The following DENND6A variants were observed in gnomAD, a reference collection of about 807,000 sequenced individuals.
The protein encoded by DENND6A is protein DENND6A.
In DENND6A, 43 loss-of-function variants were observed where a neutral mutation model predicts 95.5. That is an observed-to-expected ratio of 0.45 (90% CI 0.35 to 0.58). DENND6A has a LOEUF of 0.58. DENND6A is among the 20% of genes least tolerant of loss of function. DENND6A has a pLI of 0.00. For synonymous variants in DENND6A, 257 were observed against 260.4 expected (o/e 0.99, Z 0.13); for missense variants, 574 against 736.0 (o/e 0.78, Z 2.55).
chr3:57,669,729 GA>G lies in DENND6A; in HGVS notation c.319+2526del, dbSNP rs570016995. ...GACTCCATCTCAAAAAAAAAGAAAA[GA>G]AAAAAAATCAGCCGGGTGCAGTGGT... On this transcript the variant is annotated intron_variant, in intron 3 of 19. Transcript: ENST00000311128. Among the ~76,000 whole-genome samples the G allele has an allele frequency of 1.9e-4, 27 of 144,178 alleles. No individual in the cohort carries two copies. In the South Asian group the frequency reaches 6.0e-3, roughly 32 times the overall value. 94.6% of individuals were successfully genotyped at this position (144,178 alleles called of 152,430 possible).
chr3:57,634,023 T>TC (rs1265589452), intron 14 of DENND6A, among the ~76,000 whole-genome samples: 1 of 152,156 alleles, frequency 6.6e-6, no homozygotes, highest in Non-Finnish European at 1.5e-5. Context: ...TATGGCTTTT[T>TC]CACTATAATT....
chr3:57,689,299 G>C (rs2077239571), intron 1 of DENND6A, among the ~76,000 whole-genome samples: 1 of 149,002 alleles, frequency 6.7e-6, no homozygotes, highest in South Asian at 2.1e-4. Context: ...CAATGAGTAT[G>C]TTATTATTCA....
At chr3:57,672,581 A>C in intron 1 of DENND6A, 143 bp from the exon 2 acceptor site, 1 of 776,632 alleles carries the variant, frequency 1.3e-6, no homozygotes, top group Non-Finnish European at 2.0e-6. Flanking sequence ...TCAGGTGTTT[A>C]AGACCAACCT....
intron 8 of DENND6A, 88 bp downstream of exon 8, chr3:57,659,030 A>T (rs2071377754): frequency 8.2e-7 from 1 of 1,220,582 alleles, no homozygotes; most frequent in African/African-American, 1.5e-5. Context: ...TATGTAATAA[A>T]CTCAAGAAAC....
intron 11 of DENND6A, among the ~76,000 whole-genome samples, chr3:57,644,149 C>CAAAA: frequency 1.4e-5 from 1 of 73,364 alleles, no homozygotes; most frequent in African/African-American, 5.2e-5. Context: ...GACTCCATCT[C>CAAAA]AAAAAAAAAA....
chr3:57,659,446 C>T (rs778568825), intron 7 of DENND6A, among the ~76,000 whole-genome samples: 2 of 152,170 alleles, frequency 1.3e-5, no homozygotes, highest in African/African-American at 2.4e-5. Flanking sequence ...ACATCAGCTT[C>T]ATACTGCTTC....
intron 1 of DENND6A, among the ~76,000 whole-genome samples, chr3:57,688,622 G>T (rs1409348630): frequency 2.6e-5 from 4 of 151,812 alleles, no homozygotes; most frequent in Non-Finnish European, 5.9e-5. Context: ...AGAAACTGAG[G>T]CCACTGCAGC....
At chr3:57,653,115 G>A (rs1238180049) in intron 9 of DENND6A, among the ~76,000 whole-genome samples, 1 of 152,018 alleles carries the variant, frequency 6.6e-6, no homozygotes, top group East Asian at 1.9e-4. Flanking sequence ...ACTACCAAAT[G>A]GTTTGGGAAA....
chr3:57,684,450 G>A (rs886757462), intron 1 of DENND6A, among the ~76,000 whole-genome samples: 3 of 152,078 alleles, frequency 2.0e-5, no homozygotes, highest in East Asian at 1.9e-4. Context: ...GTGACAAAGC[G>A]AGACTCTGTT....
intron 1 of DENND6A, among the ~76,000 whole-genome samples, chr3:57,682,506 G>C (rs559843853): frequency 6.6e-6 from 1 of 152,002 alleles, no homozygotes; most frequent in East Asian, 1.9e-4. Flanking sequence ...GGGGAAATAA[G>C]TGATTTCTAT....
At chr3:57,673,011 T>G (rs2071643430) in intron 1 of DENND6A, among the ~76,000 whole-genome samples, 1 of 151,358 alleles carries the variant, frequency 6.6e-6, no homozygotes, top group South Asian at 2.1e-4. Context: ...CGTGCAGAGT[T>G]CAATACCAGC....
rs562839076 is a variant in DENND6A, at chr3:57,657,730, G to A, written c.768C>T (p.Asp256=). The A allele has an allele frequency of 5.7e-6, 9 of 1,576,104 alleles. No homozygotes were observed. The highest frequency in any genetic ancestry group is 5.5e-5 in the African/African-American group (4 of 73,338). ...TAGGTAAAATAACAGATATATTTGT[G>A]TCCACCTGAGAGATAGAAAAGAAAA... ...TQIVQLTQQV[D]TNISVILPTV... The change falls in exon 9 of 20, where the codon GAC becomes GAT. Residue 256 remains aspartate (D), a synonymous_variant. Coordinates refer to ENST00000311128, the MANE Select transcript of DENND6A (RefSeq NM_152678.3).
intron 3 of DENND6A, among the ~76,000 whole-genome samples, chr3:57,667,606 G>A (rs549716529): frequency 6.6e-6 from 1 of 152,328 alleles, no homozygotes; most frequent in South Asian, 2.1e-4. Flanking sequence ...GGGTGGTTAA[G>A]CTAGGTTGCT....
chr3:57,645,783 T>C, intron 10 of DENND6A, 27 bp from the exon 11 acceptor site: 2 of 1,549,844 alleles, frequency 1.3e-6, no homozygotes, highest in Admixed American at 1.7e-5. Context: ...ACATGTAAAA[T>C]AAAGGACACA....
intron 9 of DENND6A, among the ~76,000 whole-genome samples, chr3:57,647,916 C>A (rs2071114195): frequency 1.3e-5 from 2 of 151,926 alleles, no homozygotes; most frequent in Admixed American, 1.3e-4. Context: ...AGGAGGGTAT[C>A]CATGCAGAAG....
intron 18 of DENND6A, among the ~76,000 whole-genome samples, chr3:57,629,563 G>C (rs1173988368): frequency 7.0e-6 from 1 of 143,006 alleles, no homozygotes; most frequent in Non-Finnish European, 1.5e-5. Context: ...CCAGGCTGGA[G>C]CACAGTGGCG....
intron 8 of DENND6A, among the ~76,000 whole-genome samples, chr3:57,658,129 G>A (rs1303454649): frequency 6.6e-6 from 1 of 151,756 alleles, no homozygotes; most frequent in Non-Finnish European, 1.5e-5. Context: ...CCAGCTACTC[G>A]GGAGGCTGAG....
chr3:57,682,281 CAAAAAAAAAAAAAAAA>C (rs10618015), intron 1 of DENND6A, among the ~76,000 whole-genome samples: 3 of 53,544 alleles, frequency 5.6e-5, no homozygotes, highest in Non-Finnish European at 9.7e-5. Flanking sequence ...GACTCCGTCT[CAAAAAAAAAAAAAAAA>C]AAAAAAAAAA....
chr3:57,668,607 A>G (rs1206484429), intron 3 of DENND6A, among the ~76,000 whole-genome samples: 1 of 152,214 alleles, frequency 6.6e-6, no homozygotes, highest in African/African-American at 2.4e-5. Context: ...GAAACCTAAA[A>G]AACCAACCAA....
Sources: gnomAD v4.1 joint callset for allele counts (sites outside exome capture counted in the v4.1 genomes callset) on GRCh38, gnomAD v4.1.1 for gene constraint, MANE v1.5 for transcripts, NCBI Gene and HGNC (gene_info 2026-07-23, HGNC 2026-07-21) for gene names.